AUTS2: variants seen among roughly 807,000 people sequenced by gnomAD.
The protein encoded by AUTS2 is activator of transcription and developmental regulator AUTS2.
Under a neutral mutation model 112.4 loss-of-function variants are expected in AUTS2, and 17 were observed. The ratio of observed to expected loss-of-function variants is 0.15; its 90% CI spans 0.10 to 0.23. AUTS2 has a LOEUF of 0.23. Among genes scored for constraint, AUTS2 ranks in the 10% least tolerant of loss-of-function variants. The pLI is 1.00. For synonymous variants in AUTS2, 751 were observed against 702.7 expected (o/e 1.07, Z -1.09); for missense variants, 1,510 against 1,701.6 (o/e 0.89, Z 1.98).
At chr7:69,795,701 A>C (rs1372026705) in intron 1 of AUTS2, among the ~76,000 whole-genome samples, 1 of 152,242 alleles carries the variant, frequency 6.6e-6, no homozygotes, top group Admixed American at 6.5e-5. Context: ...CTCTTGGCTT[A>C]AGAAGGGGAA....
At chr7:70,700,156 T>G (rs948864075) in intron 6 of AUTS2, among the ~76,000 whole-genome samples, 3 of 152,086 alleles carry the variant, frequency 2.0e-5, no homozygotes, top group African/African-American at 4.8e-5. Flanking sequence ...TTTCCCCCCC[T>G]TTTTTTCCTT....
intron 2 of AUTS2, among the ~76,000 whole-genome samples, chr7:70,103,386 C>T (rs1339641830): frequency 1.3e-5 from 2 of 151,974 alleles, no homozygotes; most frequent in Non-Finnish European, 2.9e-5. Context: ...GAACCTGTAG[C>T]TCAGTACAGC....
At chr7:70,773,541 A>C (rs1790494672) in intron 11 of AUTS2, among the ~76,000 whole-genome samples, 2 of 152,226 alleles carry the variant, frequency 1.3e-5, no homozygotes, top group African/African-American at 4.8e-5. Context: ...TACTGAGTAT[A>C]ATTCCTTATT....
intron 5 of AUTS2, among the ~76,000 whole-genome samples, chr7:70,476,687 C>T (rs533400597): frequency 4.6e-5 from 7 of 152,200 alleles, no homozygotes; most frequent in Non-Finnish European, 8.8e-5. Context: ...CAAATTCTGA[C>T]TTTACCACTT....
chr7:70,116,313 A>G (rs1396007065), intron 2 of AUTS2, among the ~76,000 whole-genome samples: 1 of 152,206 alleles, frequency 6.6e-6, no homozygotes, highest in Admixed American at 6.5e-5. Context: ...TGATAGCAAA[A>G]AAGAATGCCT....
At chr7:70,661,808 C>T (rs1347920014) in intron 5 of AUTS2, among the ~76,000 whole-genome samples, 2 of 152,046 alleles carry the variant, frequency 1.3e-5, no homozygotes, top group Non-Finnish European at 2.9e-5. Context: ...CTGCACAGGC[C>T]CAGCACTGAC....
chr7:70,555,821 G>A (rs1010807886), intron 5 of AUTS2, among the ~76,000 whole-genome samples: 1 of 87,724 alleles, frequency 1.1e-5, no homozygotes, highest in Admixed American at 1.3e-4. Flanking sequence ...TTTTTTTTTT[G>A]AGACAGAGTC....
intron 1 of AUTS2, among the ~76,000 whole-genome samples, chr7:69,627,607 G>A (rs1342065188): frequency 2.0e-5 from 3 of 152,172 alleles, no homozygotes; most frequent in African/African-American, 4.8e-5. Flanking sequence ...ATTTCTTTGG[G>A]GAGGAGTGGT....
intron 1 of AUTS2, among the ~76,000 whole-genome samples, chr7:69,708,413 A>C (rs1334139061): frequency 6.6e-6 from 1 of 152,182 alleles, no homozygotes; most frequent in Non-Finnish European, 1.5e-5. Context: ...ATGTTCAGAC[A>C]TGGGAGGGTA....
At position 70,723,235 on chromosome 7, in the gene AUTS2, A is replaced by C. The variant is rs368911238; in HGVS notation, c.742+24615A>C. ...TCCTCCAGGATGAACGCTGAAAATA[A>C]CTTTTTCGGTTTTGTTTGTTTGTTT... is the stretch of plus-strand genomic sequence containing the variant. On this transcript the variant is annotated intron_variant, in intron 6 of 18. Coordinates refer to ENST00000342771, the MANE Select transcript of AUTS2 (RefSeq NM_015570.4). Among the ~76,000 whole-genome samples, 5 of 152,220 alleles carry C rather than the reference A, an allele frequency of 3.3e-5. No individual in the cohort carries two copies. The East Asian group carries it at 9.7e-4, about 29-fold the overall frequency.
intron 2 of AUTS2, among the ~76,000 whole-genome samples, chr7:69,902,025 C>T (rs1391910264): frequency 6.6e-6 from 1 of 152,056 alleles, no homozygotes; most frequent in African/African-American, 2.4e-5. Flanking sequence ...GTTTTGGAGT[C>T]AGTCTGTAAC....
rs147080940 is a variant in AUTS2, at chr7:70,744,766, G to A, written c.743-18104G>A. Among the ~76,000 whole-genome samples the A allele has an allele frequency of 1.6e-4, 25 of 152,308 alleles. No homozygotes were observed. In the East Asian group the frequency reaches 2.5e-3, roughly 15 times the overall value. ...TACAGTTGGAGGACCTGACTGACACGTGAGCCCCCCTTGGCAGCCATCATC... is the reference window on the plus strand; with the variant it reads ...TACAGTTGGAGGACCTGACTGACACATGAGCCCCCCTTGGCAGCCATCATC... On this transcript the variant is annotated intron_variant, in intron 6 of 18. Transcript: ENST00000342771.
chr7:70,079,821 A>G lies in AUTS2; in HGVS notation c.523-38311A>G, dbSNP rs113956219. Among the ~76,000 whole-genome samples, 250 of 152,280 alleles carry G rather than the reference A, an allele frequency of 1.6e-3. 6 individuals are homozygous for G. Among genetic ancestry groups the G allele is most frequent in the African/African-American group, 5.7e-3 (236 of 41,558 alleles). On this transcript the variant is annotated intron_variant, in intron 2 of 18. Coordinates refer to ENST00000342771, the MANE Select transcript of AUTS2 (RefSeq NM_015570.4). ...GAACACCGCAAACTGAGTAATTTAT[A>G]AGCAATAGAAGTTTATTTGGCAGAT...
At chr7:70,279,318 A>G (rs529240834) in intron 4 of AUTS2, among the ~76,000 whole-genome samples, 2 of 152,338 alleles carry the variant, frequency 1.3e-5, no homozygotes, top group African/African-American at 4.8e-5. Context: ...CTTACCAGTA[A>G]TGGGGGCCAA....
In AUTS2 at chr7:70,557,930, A is replaced by G. The variant is rs985472137; in HGVS notation, c.690+122149A>G. Among the ~76,000 whole-genome samples, 12 of 152,336 alleles carry G rather than the reference A, an allele frequency of 7.9e-5. No individual in the cohort carries two copies. In the East Asian group the frequency reaches 1.5e-3, roughly 20 times the overall value. ...GCAGAAATATTTCACTAAATCGCCA[A>G]GAACACTCAGAGTAAAGCTCTGCAG... On this transcript the variant is annotated intron_variant, in intron 5 of 18. Coordinates refer to ENST00000342771, the MANE Select transcript of AUTS2 (RefSeq NM_015570.4).
At chr7:69,881,736 T>C (rs1220426772) in intron 1 of AUTS2, among the ~76,000 whole-genome samples, 1 of 152,136 alleles carries the variant, frequency 6.6e-6, no homozygotes, top group Non-Finnish European at 1.5e-5. Context: ...CTCAGAACTT[T>C]CTCTTATTTG....
chr7:70,343,700 A>T (rs1239117157), intron 4 of AUTS2, among the ~76,000 whole-genome samples: 2 of 152,122 alleles, frequency 1.3e-5, no homozygotes, highest in Non-Finnish European at 2.9e-5. Flanking sequence ...GGATTACAGG[A>T]TTTTGCCCGG....
chr7:70,334,852 G>A (rs2129619846), intron 4 of AUTS2, among the ~76,000 whole-genome samples: 1 of 152,244 alleles, frequency 6.6e-6, no homozygotes, highest in East Asian at 1.9e-4. Context: ...TTTTTTGTTG[G>A]TTTATTTCTA....
At chr7:69,905,967 T>C (rs958256560) in intron 2 of AUTS2, among the ~76,000 whole-genome samples, 18 of 152,136 alleles carry the variant, frequency 1.2e-4, no homozygotes, top group Non-Finnish European at 2.4e-4. Context: ...AGTAAGAAAA[T>C]TTTATATGTG....
Sources: allele counts gnomAD v4.1 joint callset (sites outside exome capture counted in the v4.1 genomes callset), GRCh38; gene constraint gnomAD v4.1.1; transcripts MANE v1.5; gene names NCBI Gene and HGNC (gene_info 2026-07-23, HGNC 2026-07-21).